Variants in NUBPL observed in about 807,000 individuals in gnomAD.
NUBPL encodes iron-sulfur cluster transfer protein NUBPL.
A neutral mutation model predicts 45.7 loss-of-function variants in NUBPL; 31 were observed. The observed-to-expected ratio is 0.68, with a 90% confidence interval of 0.51 to 0.92. NUBPL has a LOEUF of 0.92. NUBPL is among the 40% of genes least tolerant of loss of function. The pLI is 0.00. For synonymous variants in NUBPL, 144 were observed against 140.9 expected (o/e 1.02, Z -0.15); for missense variants, 401 against 398.7 (o/e 1.01, Z -0.05).
intron 6 of NUBPL, among the ~76,000 whole-genome samples, chr14:31,685,713 G>C (rs746592743): frequency 8.5e-5 from 13 of 152,160 alleles, no homozygotes; most frequent in Non-Finnish European, 1.8e-4. Context: ...AAAAAGGGCA[G>C]ATAAAGTAAT....
chr14:31,777,960 C>G (rs2039126075), intron 6 of NUBPL, among the ~76,000 whole-genome samples: 1 of 152,186 alleles, frequency 6.6e-6, no homozygotes, highest in Non-Finnish European at 1.5e-5. Context: ...CCATTCCAAA[C>G]AGAACCTAGT....
intron 7 of NUBPL, among the ~76,000 whole-genome samples, chr14:31,812,757 G>A (rs967430629): frequency 2.0e-5 from 3 of 152,040 alleles, no homozygotes; most frequent in Non-Finnish European, 2.9e-5. Flanking sequence ...GTTCCTATTC[G>A]GCCATCTTGC....
At chr14:31,707,331 T>C (rs958179885) in intron 6 of NUBPL, among the ~76,000 whole-genome samples, 1 of 152,238 alleles carries the variant, frequency 6.6e-6, no homozygotes, top group African/African-American at 2.4e-5. Context: ...CAATTGTGGG[T>C]TTTAAATTTA....
intron 6 of NUBPL, among the ~76,000 whole-genome samples, chr14:31,675,809 A>G (rs910361974): frequency 6.6e-6 from 1 of 152,204 alleles, no homozygotes; most frequent in African/African-American, 2.4e-5. Flanking sequence ...TGAGATGCAT[A>G]GATTTTCAGT....
chr14:31,588,965 C>A (rs1403116924), intron 3 of NUBPL, among the ~76,000 whole-genome samples: 1 of 150,700 alleles, frequency 6.6e-6, no homozygotes, highest in Non-Finnish European at 1.5e-5. Context: ...TGGTACTAAG[C>A]AACATTTTCA....
intron 7 of NUBPL, among the ~76,000 whole-genome samples, chr14:31,821,309 A>G (rs992682234): frequency 3.3e-5 from 5 of 152,226 alleles, no homozygotes; most frequent in African/African-American, 1.2e-4. Flanking sequence ...ATTTATAACC[A>G]GAATATATAA....
intron 6 of NUBPL, among the ~76,000 whole-genome samples, chr14:31,771,435 T>G (rs1263080778): frequency 6.6e-6 from 1 of 152,208 alleles, no homozygotes; most frequent in African/African-American, 2.4e-5. Flanking sequence ...ATCTATTTTA[T>G]CCTACACTGA....
In NUBPL at chr14:31,772,638, C is replaced by T. The variant is rs192638374; in HGVS notation, c.514-15142C>T. ...TAGATTCAGAATTACCAAAGATTGACCCATGTATCAACTTTTGGATAACAA... is the reference window on the plus strand; with the variant it reads ...TAGATTCAGAATTACCAAAGATTGATCCATGTATCAACTTTTGGATAACAA... On this transcript the variant is annotated intron_variant, in intron 6 of 10. Coordinates refer to ENST00000281081, the MANE Select transcript of NUBPL (RefSeq NM_025152.3). 1.2e-4 allele frequency among the ~76,000 whole-genome samples: 19 copies of T among 152,254 alleles called. No individual in the cohort carries two copies. The East Asian group carries it at 3.3e-3, about 26-fold the overall frequency.
At chr14:31,787,385 C>T (rs1359576326) in intron 6 of NUBPL, among the ~76,000 whole-genome samples, 1 of 151,694 alleles carries the variant, frequency 6.6e-6, no homozygotes, top group Non-Finnish European at 1.5e-5. Flanking sequence ...ATATAATAAA[C>T]TTAAAAAAAT....
At chr14:31,614,770 GGT>G (rs1227652181) in intron 4 of NUBPL, among the ~76,000 whole-genome samples, 1 of 152,092 alleles carries the variant, frequency 6.6e-6, no homozygotes, top group Non-Finnish European at 1.5e-5. Flanking sequence ...AATCAGATTT[GGT>G]CTTTCTCTGT....
At chr14:31,727,896 G>A (rs2037961273) in intron 6 of NUBPL, among the ~76,000 whole-genome samples, 1 of 152,048 alleles carries the variant, frequency 6.6e-6, no homozygotes. Flanking sequence ...TATAAGCTGG[G>A]AACTGTTGCA....
intron 6 of NUBPL, among the ~76,000 whole-genome samples, chr14:31,773,523 C>G (rs1015360407): frequency 6.6e-6 from 1 of 152,086 alleles, no homozygotes; most frequent in Non-Finnish European, 1.5e-5. Flanking sequence ...TCCCAGAATC[C>G]TTAGAACTGG....
intron 4 of NUBPL, among the ~76,000 whole-genome samples, chr14:31,643,215 G>A (rs1381084821): frequency 6.6e-6 from 1 of 152,054 alleles, no homozygotes; most frequent in African/African-American, 2.4e-5. Context: ...GGTGAAAGTG[G>A]GCATCTTGTC....
At chr14:31,699,170 A>G (rs1168628374) in intron 6 of NUBPL, among the ~76,000 whole-genome samples, 1 of 152,186 alleles carries the variant, frequency 6.6e-6, no homozygotes, top group East Asian at 1.9e-4. Flanking sequence ...TGACTTAAAT[A>G]TCTTTTAAAA....
At chr14:31,725,576 AT>A (rs1223499214) in intron 6 of NUBPL, among the ~76,000 whole-genome samples, 11 of 152,272 alleles carry the variant, frequency 7.2e-5, no homozygotes, top group Non-Finnish European at 1.5e-4. Flanking sequence ...ATTTGAAATA[AT>A]TTGGTGCATG....
chr14:31,750,660 C>G (rs1158114814), intron 6 of NUBPL, among the ~76,000 whole-genome samples: 1 of 152,094 alleles, frequency 6.6e-6, no homozygotes, highest in East Asian at 1.9e-4. Flanking sequence ...GGAACAGTCA[C>G]CTCTACCAAT....
chr14:31,773,507 A>C (rs1314898859), intron 6 of NUBPL, among the ~76,000 whole-genome samples: 1 of 152,156 alleles, frequency 6.6e-6, no homozygotes, highest in Non-Finnish European at 1.5e-5. Flanking sequence ...ACATATAAAA[A>C]AATTATCCCA....
At chr14:31,841,999 C>T (rs898634502) in intron 8 of NUBPL, among the ~76,000 whole-genome samples, 3 of 128,140 alleles carry the variant, frequency 2.3e-5, no homozygotes, top group Non-Finnish European at 4.7e-5. Flanking sequence ...GGCACAATCT[C>T]AGCTCACTGC....
chr14:31,735,580 G>A (rs1595560717), intron 6 of NUBPL, among the ~76,000 whole-genome samples: 2 of 152,092 alleles, frequency 1.3e-5, no homozygotes, highest in African/African-American at 2.4e-5. Context: ...ATGGCCAGGC[G>A]CGGTGGCTCA....
Sources: allele counts gnomAD v4.1 joint callset (sites outside exome capture counted in the v4.1 genomes callset), GRCh38; gene constraint gnomAD v4.1.1; transcripts MANE v1.5; gene names NCBI Gene and HGNC (gene_info 2026-07-23, HGNC 2026-07-21).